The following PLEC variants were observed in gnomAD, a reference collection of about 807,000 sequenced individuals.
The protein encoded by PLEC is plectin.
A neutral mutation model predicts 392.8 loss-of-function variants in PLEC; 216 were observed. The observed-to-expected ratio is 0.55, with a 90% CI of 0.49 to 0.62. PLEC has a LOEUF of 0.62. PLEC is among the 20% of genes least tolerant of loss of function. The probability of loss-of-function intolerance (pLI) is 0.00; values close to 1 mark genes in which losing one functional copy is unlikely to be tolerated. For missense variants in PLEC, 6,863 were observed against 6,563.4 expected (o/e 1.05, Z -1.58); for synonymous variants, 3,621 against 2,980.6 (o/e 1.21, Z -7.00).
In PLEC at chr8:143,920,628, C is replaced by A. The variant is rs782159227; in HGVS notation, c.9193G>T (p.Gly3065Trp). The A allele has an allele frequency of 6.2e-7, 1 of 1,606,658 alleles. No homozygotes were observed. Among genetic ancestry groups the A allele is most frequent in the East Asian group, 2.2e-5 (1 of 44,876 alleles). The part of the protein sequence containing the change: ...VALLEAQAGT[G>W]HIIDPATSAR... ...CTGGTGGCGGGGTCGATGATGTGCC[C>A]GGTGCCGGCCTGGGCTTCCAACAGG... Residue 3065 changes from glycine to tryptophan, a missense_variant, in exon 32 of 32, where the codon GGG becomes TGG. Gly to Trp is a radical substitution (Grantham distance 184). Transcript: ENST00000345136.
In PLEC at chr8:143,927,628, G is replaced by A. The variant is rs1383171072; in HGVS notation, c.3538C>T (p.Arg1180Trp). 1.3e-5 allele frequency: 20 copies of A among 1,583,738 alleles called. No individual in the cohort carries two copies. Among genetic ancestry groups the A allele is most frequent in the African/African-American group, 5.4e-5 (4 of 74,430 alleles). ...RDVEVERWRE[R>W]VAQLLERWQA... ...CAGCGCTCAAGCAACTGGGCGACCC[G>A]CTCCCGCCAGCGCTCCACCTCCACG... Residue 1180 changes from arginine to tryptophan, a missense_variant, in exon 27 of 32, where the codon CGG (arginine) becomes TGG (tryptophan). By Grantham distance (101) the Arg-to-Trp change is moderately radical. Coordinates refer to ENST00000345136, the MANE Select transcript of PLEC (RefSeq NM_201384.3).
chr8:143,927,819 C>A, intron 26 of PLEC, 35 bp downstream of exon 26: 2 of 1,574,590 alleles, frequency 1.3e-6, no homozygotes, highest in Non-Finnish European at 1.7e-6. Context: ...GCTGTACCCC[C>A]ACCCCGCCAT....
chr8:143,942,589 CCAGCCCACGCTGCGAGG>C, upstream of PLEC: 1 of 1,461,520 alleles, frequency 6.8e-7, no homozygotes, highest in Non-Finnish European at 9.0e-7. Flanking sequence ...GCCTCTGCTT[CCAGCCCACGCTGCGAGG>C]CTGCCGGCTT....
Position 143,920,570 on chromosome 8 carries a change from G to A in PLEC, c.9251C>T (p.Ala3084Val), listed in dbSNP as rs1554682228. The A allele has an allele frequency of 4.3e-6, 7 of 1,611,104 alleles. No individual in the cohort carries two copies. Among genetic ancestry groups the A allele is most frequent in the East Asian group, 2.2e-5 (1 of 44,874 alleles). Residue 3084 changes from alanine to valine, a missense_variant, in exon 32 of 32, where the codon GCT (alanine) becomes GTT (valine). Coordinates refer to ENST00000345136, the MANE Select transcript of PLEC (RefSeq NM_201384.3). The part of the protein sequence containing the change: ...ARLTVDEAVR[A>V]GLVGPEFHEK... ...ATGAAACTCGGGGCCCACCAGGCCA[G>A]CACGCACTGCCTCGTCCACGGTCAG...
rs375723079 is a variant in PLEC, at chr8:143,923,406, C to T, written c.6523G>A (p.Glu2175Lys). ...TGCGCCTTCTGCCGCAGCGTCTGCTCGGCGAATTTCTTATGCTTCTCCATC... is the reference window on the plus strand; with the variant it reads ...TGCGCCTTCTGCCGCAGCGTCTGCTTGGCGAATTTCTTATGCTTCTCCATC... ...AEMEKHKKFAEQTLRQKAQVE... is the reference protein window; with the variant it reads ...AEMEKHKKFAKQTLRQKAQVE... The change falls in exon 31 of 32, where the codon GAG becomes AAG. Residue 2175 changes from glutamate (E) to lysine (K), a missense_variant. By Grantham distance (56) the Glu-to-Lys change is moderately conservative (BLOSUM62 1). Coordinates refer to ENST00000345136, the MANE Select transcript of PLEC (RefSeq NM_201384.3). The T allele has an allele frequency of 1.5e-4, 243 of 1,610,558 alleles. No individual in the cohort carries two copies. The highest frequency in any genetic ancestry group is 1.8e-4 in the Non-Finnish European group (214 of 1,179,744).
rs551226258 is a variant in PLEC, at chr8:143,924,334, G to A, written c.5595C>T (p.Arg1865=). 1.9e-6 allele frequency: 3 copies of A among 1,596,672 alleles called. No individual in the cohort carries two copies. Among genetic ancestry groups the A allele is most frequent in the East Asian group, 2.2e-5 (1 of 44,744 alleles). Residue 1865 remains arginine (R), a synonymous_variant, in exon 31 of 32, where the codon CGC becomes CGT. Transcript: ENST00000345136. ...CCTCGTCCTCCGCCAGCCGCCGCAG[G>A]CGCTCGTTCTCCGCCTCCTTCTCCT... ...ALKEKEAENE[R]LRRLAEDEAF... is the part of the protein sequence containing the mutation.
Position 143,918,727 on chromosome 8 carries a change from G to C in PLEC, c.11094C>G (p.Pro3698=). 6.2e-7 allele frequency: 1 copy of C among 1,612,974 alleles called. No individual in the cohort carries two copies. Among genetic ancestry groups the C allele is most frequent in the Non-Finnish European group, 8.5e-7 (1 of 1,180,004 alleles). The change falls in exon 32 of 32, where the codon CCC becomes CCG. Residue 3698 remains proline, a synonymous_variant. Transcript: ENST00000345136. The stretch of plus-strand genomic sequence containing the variant: ...AGATGCTCAGTGTCTGCCTGGAACC[G>C]GGCAGGTAGACACCAGCCACGGAGC... ...GTGSVAGVYL[P]GSRQTLSIYQ...
chr8:143,922,640 A>G lies in PLEC; in HGVS notation c.7289T>C (p.Leu2430Pro), dbSNP rs782616986. The change falls in exon 31 of 32, where the codon CTG (leucine) becomes CCG (proline). Residue 2430 changes from leucine (L) to proline (P), a missense_variant. Physicochemically the swap from Leu to Pro is moderately conservative, Grantham distance 98 (BLOSUM62 -3). Coordinates refer to ENST00000345136, the MANE Select transcript of PLEC (RefSeq NM_201384.3). ...TELATQEKVT[L>P]VQTLEIQRQQ... ...TCGCTGGATCTCCAGTGTCTGCACC[A>G]GGGTCACCTTCTCCTGGGTGGCGAG... The G allele has an allele frequency of 1.4e-5, 23 of 1,613,522 alleles. No homozygotes were observed. Among genetic ancestry groups the G allele is most frequent in the Non-Finnish European group, 1.5e-5 (18 of 1,179,950 alleles).
chr8:143,967,554 C>T (rs1191547023), intron 1 of PLEC, among the ~76,000 whole-genome samples: 1 of 152,078 alleles, frequency 6.6e-6, no homozygotes, highest in Non-Finnish European at 1.5e-5. Context: ...AAGTGTCCCT[C>T]GGTATCAGCG....
At chr8:143,941,414 C>T (rs1408316078), upstream of PLEC, among the ~76,000 whole-genome samples, 2 of 152,020 alleles carry the variant, frequency 1.3e-5, no homozygotes, top group African/African-American at 2.4e-5. Flanking sequence ...CGCCCTGGGC[C>T]GGGCCAGGGT....
rs782731891 is a variant in PLEC, at chr8:143,925,260, C to T, written c.4669G>A (p.Val1557Met). The change falls in exon 31 of 32, where the codon GTG (valine) becomes ATG (methionine). Residue 1557 changes from valine (V) to methionine (M), a missense_variant. Physicochemically the swap from Val to Met is conservative, Grantham distance 21. Transcript: ENST00000345136. Reference sequence around the variant, plus strand: ...ACCTGTACCTGCCGCGCTCGCTCCACCTCGGCCTGCCGCAGGCGCCGCTCC... The same window carrying T: ...ACCTGTACCTGCCGCGCTCGCTCCATCTCGGCCTGCCGCAGGCGCCGCTCC... ...EAERRLRQAE[V>M]ERARQVQVAL... 5.7e-6 allele frequency: 9 copies of T among 1,582,472 alleles called. No homozygotes were observed. In the South Asian group the frequency reaches 7.9e-5, roughly 14 times the overall value.
chr8:143,934,061 C>A lies in PLEC; in HGVS notation c.1200G>T (p.Lys400Asn). The A allele has an allele frequency of 6.2e-7, 1 of 1,611,906 alleles. No individual in the cohort carries two copies. Among genetic ancestry groups the A allele is most frequent in the Non-Finnish European group, 8.5e-7 (1 of 1,179,606 alleles). ...CACACAGCCCCGCCTCCATCTGCAG[C>A]TTGGTCACGATGCGCTGAAGACACT... Reference protein sequence around the residue: ...RLECLQRIVTKLQMEAGLCEE... With the variant: ...RLECLQRIVTNLQMEAGLCEE... Residue 400 changes from lysine (K) to asparagine (N), a missense_variant, in exon 12 of 32, where the codon AAG becomes AAT. Transcript: ENST00000345136.
chr8:143,920,920 C>T lies in PLEC; in HGVS notation c.8901G>A (p.Glu2967=), dbSNP rs928234889. The stretch of plus-strand genomic sequence containing the variant: ...CCTCAAAGCAAAGCCGGCCCTTCTG[C>T]TCCTGCTCCTCCACCACCGTGATGA... The part of the protein sequence containing the change: ...KIIITVVEEQ[E]QKGRLCFEGL... Residue 2967 remains glutamate (E), a synonymous_variant, in exon 32 of 32, where the codon GAG becomes GAA. Transcript: ENST00000345136. 2 of 1,612,608 alleles carry T rather than the reference C, an allele frequency of 1.2e-6. No individual in the cohort carries two copies. The highest frequency in any genetic ancestry group is 1.3e-5 in the African/African-American group (1 of 74,946).
At position 143,924,100 on chromosome 8, in the gene PLEC, C is replaced by A; in HGVS notation, c.5829G>T (p.Glu1943Asp). The A allele has an allele frequency of 6.3e-7, 1 of 1,598,702 alleles. No homozygotes were observed. Among genetic ancestry groups the A allele is most frequent in the East Asian group, 2.2e-5 (1 of 44,806 alleles). Residue 1943 changes from glutamate to aspartate, a missense_variant, in exon 31 of 32, where the codon GAG (glutamate) becomes GAT (aspartate). Glu to Asp is a conservative substitution (Grantham distance 45). Coordinates refer to ENST00000345136, the MANE Select transcript of PLEC (RefSeq NM_201384.3). The part of the protein sequence containing the change: ...SFEKAAAGKA[E>D]LELELGRIRS... ...GGATGCGTCCCAGCTCCAGCTCCAG[C>A]TCCGCCTTGCCAGCGGCCGCCTTCT...
chr8:143,937,826 A>C (rs782134763), intron 3 of PLEC: 1 of 559,982 alleles, frequency 1.8e-6, no homozygotes, highest in South Asian at 1.5e-5. Context: ...GGCAGAGGTC[A>C]AGGTTCAGAG....
chr8:143,925,981 C>T (rs988797569), intron 30 of PLEC, 97 bp from the exon 31 acceptor site: 107 of 1,330,594 alleles, frequency 8.0e-5, no homozygotes, highest in Middle Eastern at 5.0e-4. Context: ...TCAGACAGCG[C>T]GGAGCAGGGG....
At position 143,932,620 on chromosome 8, in the gene PLEC, C is replaced by G; in HGVS notation, c.1815+15G>C. 1 of 1,611,280 alleles carries G rather than the reference C, an allele frequency of 6.2e-7. No homozygotes were observed. The highest frequency in any genetic ancestry group is 1.1e-5 in the South Asian group (1 of 91,024). The stretch of plus-strand genomic sequence containing the variant: ...GGGCTACCCACCTCCCCCGGCTGGC[C>G]CTGCCCCCACTCACCAGCAGCTTGG... On this transcript the variant is annotated intron_variant, in intron 15 of 31. Transcript: ENST00000345136.
At chr8:143,941,961 T>G (rs1249453872), upstream of PLEC, among the ~76,000 whole-genome samples, 3 of 152,122 alleles carry the variant, frequency 2.0e-5, no homozygotes, top group Non-Finnish European at 2.9e-5. Flanking sequence ...ACCCTATGGC[T>G]GAGGTCCCGC....
At chr8:143,933,688 T>G (rs1196800134) in intron 12 of PLEC, among the ~76,000 whole-genome samples, 5 of 152,110 alleles carry the variant, frequency 3.3e-5, no homozygotes, top group Non-Finnish European at 7.4e-5. Flanking sequence ...AGCAGTGGGT[T>G]GGGCCCTCCC....
Sources: gnomAD v4.1 joint callset for allele counts (sites outside exome capture counted in the v4.1 genomes callset) on GRCh38, gnomAD v4.1.1 for gene constraint, MANE v1.5 for transcripts, NCBI Gene and HGNC (gene_info 2026-07-23, HGNC 2026-07-21) for gene names.